TDRD1: variants seen among roughly 807,000 people sequenced by gnomAD.
The protein encoded by TDRD1 is tudor domain containing 1, also known as tudor domain-containing protein 1.
TDRD1 carries 37 observed loss-of-function variants against 140.6 expected under a neutral mutation model. The ratio of observed to expected loss-of-function variants is 0.26; its 90% CI spans 0.20 to 0.35. TDRD1 has a LOEUF of 0.35. Ranked by LOEUF, TDRD1 falls within the 10% of genes least tolerant of loss-of-function variation. The pLI is 1.00. For synonymous variants in TDRD1, 506 were observed against 475.7 expected, an observed-to-expected ratio of 1.06 and a Z score of -0.83; for missense variants, 1,243 against 1,393.0, an observed-to-expected ratio of 0.89 and a Z score of 1.71.
intron 24 of TDRD1, 39 bp downstream of exon 24, chr10:114,227,995 C>A: frequency 6.2e-7 from 1 of 1,611,320 alleles, no homozygotes; most frequent in Non-Finnish European, 8.5e-7. Flanking sequence ...ATACTCCTAA[C>A]GTTTTTAGAA....
intron 11 of TDRD1, among the ~76,000 whole-genome samples, chr10:114,207,455 A>C (rs1355480037): frequency 6.6e-6 from 1 of 152,152 alleles, no homozygotes; most frequent in African/African-American, 2.4e-5. Flanking sequence ...CAATTGAAAC[A>C]ATTTTCCAAT....
At chr10:114,218,945 GATA>G (rs1339175775) in intron 18 of TDRD1, among the ~76,000 whole-genome samples, 1 of 152,146 alleles carries the variant, frequency 6.6e-6, no homozygotes, top group Non-Finnish European at 1.5e-5. Flanking sequence ...TTACACCACT[GATA>G]ATAATGGCAA....
chr10:114,211,373 G>A (rs2035471583), intron 13 of TDRD1, among the ~76,000 whole-genome samples: 1 of 152,196 alleles, frequency 6.6e-6, no homozygotes, highest in Non-Finnish European at 1.5e-5. Context: ...GCAGCTTTTG[G>A]ACGGCACAAG....
At chr10:114,197,570 G>A (rs2034451725) in intron 3 of TDRD1, among the ~76,000 whole-genome samples, 2 of 148,520 alleles carry the variant, frequency 1.3e-5, no homozygotes, top group Admixed American at 6.7e-5. Flanking sequence ...TTTTTTTTCC[G>A]GCATTTGTTT....
At chr10:114,196,995 C>G (rs897695320) in intron 3 of TDRD1, among the ~76,000 whole-genome samples, 3 of 146,454 alleles carry the variant, frequency 2.0e-5, no homozygotes, top group Non-Finnish European at 3.0e-5. Context: ...TACAGATGCC[C>G]TCCACCACAC....
At chr10:114,228,147 G>T (rs1429883237) in intron 25 of TDRD1, 7 of 1,554,428 alleles carry the variant, frequency 4.5e-6, no homozygotes, top group Non-Finnish European at 5.2e-6. Flanking sequence ...TAAATCGTAT[G>T]TTTTCGCCTC....
At chr10:114,181,436 T>A (rs2033054958) in intron 1 of TDRD1, among the ~76,000 whole-genome samples, 1 of 152,208 alleles carries the variant, frequency 6.6e-6, no homozygotes, top group African/African-American at 2.4e-5. Context: ...GTCTAAAGCC[T>A]GAGGTTGGGA....
chr10:114,194,879 C>T (rs1398853549), intron 3 of TDRD1, among the ~76,000 whole-genome samples: 1 of 149,442 alleles, frequency 6.7e-6, no homozygotes, highest in Non-Finnish European at 1.5e-5. Context: ...TTTGCTGAGC[C>T]TCCTGGAGTA....
intron 11 of TDRD1, among the ~76,000 whole-genome samples, chr10:114,209,825 A>G (rs1304237793): frequency 3.3e-5 from 5 of 152,224 alleles, no homozygotes; most frequent in Non-Finnish European, 7.3e-5. Flanking sequence ...TGTTTAAAAC[A>G]ATGAAGTCAG....
At chr10:114,185,889 T>TA (rs1352044081) in intron 1 of TDRD1, among the ~76,000 whole-genome samples, 2 of 152,200 alleles carry the variant, frequency 1.3e-5, no homozygotes, top group Non-Finnish European at 2.9e-5. Flanking sequence ...GTGCCTGGCC[T>TA]AACGTTACAT....
intron 11 of TDRD1, among the ~76,000 whole-genome samples, chr10:114,206,933 C>G (rs1564951427): frequency 6.9e-6 from 1 of 145,572 alleles, no homozygotes; most frequent in Admixed American, 6.8e-5. Flanking sequence ...GGCTTTTTAG[C>G]TCACATTTTC....
intron 1 of TDRD1, among the ~76,000 whole-genome samples, chr10:114,186,326 C>G (rs914773380): frequency 1.3e-5 from 2 of 152,112 alleles, no homozygotes; most frequent in Admixed American, 6.5e-5. Flanking sequence ...TGCAGTGGCA[C>G]AATCTCGGCT....
At chr10:114,226,363 ATATTCTT>A (rs2036437549) in intron 22 of TDRD1, 147 bp downstream of exon 22, 1 of 597,066 alleles carries the variant, frequency 1.7e-6, no homozygotes, top group Non-Finnish European at 2.9e-6. Flanking sequence ...AATAAGTTTC[ATATTCTT>A]TATTCTTTAT....
At chr10:114,182,903 CT>C (rs1689939261) in intron 1 of TDRD1, among the ~76,000 whole-genome samples, 1 of 152,016 alleles carries the variant, frequency 6.6e-6, no homozygotes, top group Non-Finnish European at 1.5e-5. Flanking sequence ...CCAGGATGGT[CT>C]CAATCTCCTG....
At chr10:114,229,533 TAAAATCTTTTAATC>T (rs2036631236) in intron 25 of TDRD1, among the ~76,000 whole-genome samples, 1 of 150,884 alleles carries the variant, frequency 6.6e-6, no homozygotes, top group Admixed American at 6.6e-5. Flanking sequence ...TGTTTAAGCT[TAAAATCTTTTAATC>T]TTTTTTTTTT....
At chr10:114,205,434 G>A (rs2035036595) in intron 10 of TDRD1, among the ~76,000 whole-genome samples, 1 of 152,138 alleles carries the variant, frequency 6.6e-6, no homozygotes, top group African/African-American at 2.4e-5. Context: ...TAGAAAATCG[G>A]CTAATCTCTT....
chr10:114,218,570 G>A (rs374288064), exon 18 of TDRD1: 8 of 1,603,488 alleles, frequency 5.0e-6, no homozygotes, highest in South Asian at 1.1e-5. Flanking sequence ...CAGGGAATAC[G>A]GTGCCAGTTA....
rs1398233328 is a variant in TDRD1 at position 114,210,646 on chromosome 10, A to C, written c.1450A>C (p.Ile484Leu). The C allele has an allele frequency of 1.9e-6, 3 of 1,611,900 alleles. No homozygotes were observed. In the African/African-American group the frequency reaches 4.0e-5, roughly 22 times the overall value. Reference sequence around the variant, plus strand: ...CATTGTCGTAGACAAAAGTGACCTAATCCCAAAAGTGTTAACTTTGAATGT... The same window carrying C: ...CATTGTCGTAGACAAAAGTGACCTACTCCCAAAAGTGTTAACTTTGAATGT... The change falls in exon 12 of 26, where the codon ATC (isoleucine) becomes CTC (leucine). Residue 484 changes from isoleucine (I) to leucine (L), a missense_variant. Ile to Leu is a conservative substitution (Grantham distance 5). This residue lies in a region of TDRD1 where 392 missense variants were observed against 394.1 expected (regional missense o/e 0.99). Coordinates refer to ENST00000251864, the Ensembl canonical transcript of TDRD1.
chr10:114,183,172 G>A (rs2033230439), intron 1 of TDRD1, among the ~76,000 whole-genome samples: 1 of 152,082 alleles, frequency 6.6e-6, no homozygotes, highest in Non-Finnish European at 1.5e-5. Context: ...GGCGCTGACT[G>A]TAGATTGACA....
Sources: allele counts gnomAD v4.1 joint callset (sites outside exome capture counted in the v4.1 genomes callset), GRCh38; gene constraint gnomAD v4.1.1; regional missense constraint gnomAD v4.1.1; transcripts MANE v1.5; gene names NCBI Gene and HGNC (gene_info 2026-07-23, HGNC 2026-07-21).